The following NHSL1 variants were observed in gnomAD, a reference collection of about 807,000 sequenced individuals.
The protein encoded by NHSL1 is NHS like 1.
NHSL1 carries 48 observed loss-of-function variants against 95.0 expected under a neutral mutation model. The observed-to-expected ratio is 0.51, with a 90% CI of 0.40 to 0.64. NHSL1 has a LOEUF of 0.64. Ranked by LOEUF, NHSL1 falls within the 30% of genes least tolerant of loss-of-function variation. The pLI is 0.00. For missense variants in NHSL1, 1,971 were observed against 2,077.7 expected (o/e 0.95, Z 1.00); for synonymous variants, 783 against 833.9 (o/e 0.94, Z 1.05).
chr6:138,625,559 C>A (rs1784725316), intron 1 of NHSL1, among the ~76,000 whole-genome samples: 1 of 151,070 alleles, frequency 6.6e-6, no homozygotes, highest in Non-Finnish European at 1.5e-5. Context: ...ATTTTATTTT[C>A]TCTTTATATA....
rs192793480 is a variant in NHSL1, at chr6:138,458,044, A to T, written c.340-10851T>A. 4.8e-4 allele frequency among the ~76,000 whole-genome samples: 73 copies of T among 151,590 alleles called. 2 individuals are homozygous for T. Among genetic ancestry groups the T allele is most frequent in the Admixed American group, 2.7e-3 (41 of 15,202 alleles). On this transcript the variant is annotated intron_variant, in intron 3 of 7. Coordinates refer to ENST00000343505, the MANE Select transcript of NHSL1 (RefSeq NM_001144060.2). ...AAAAAAAATCCCAACTGTTAGGGTG[A>T]TGTTAAGAACATGAACCACGGTTAG...
At chr6:138,463,251 G>A (rs1002115420) in intron 3 of NHSL1, among the ~76,000 whole-genome samples, 2 of 152,070 alleles carry the variant, frequency 1.3e-5, no homozygotes, top group African/African-American at 4.8e-5. Flanking sequence ...GACCAATCCC[G>A]TTAAATAATC....
chr6:138,656,472 A>G (rs1312418758), intron 1 of NHSL1, among the ~76,000 whole-genome samples: 1 of 152,194 alleles, frequency 6.6e-6, no homozygotes, highest in Admixed American at 6.5e-5. Context: ...GCATGAGTAC[A>G]GTCAGCATGG....
chr6:138,688,803 A>C (rs979155588), intron 1 of NHSL1, among the ~76,000 whole-genome samples: 3 of 152,228 alleles, frequency 2.0e-5, no homozygotes, highest in African/African-American at 7.2e-5. Flanking sequence ...TTACTGTGTC[A>C]GCAAAATTAA....
chr6:138,571,706 T>G, intron 1 of NHSL1: 4 of 1,548,784 alleles, frequency 2.6e-6, no homozygotes, highest in Non-Finnish European at 3.5e-6. Flanking sequence ...AAAAATCGAG[T>G]CACCTTTTCT....
Position 138,430,572 on chromosome 6 carries a change from G to C in NHSL1, c.3773C>G (p.Pro1258Arg). Residue 1258 changes from proline to arginine, a missense_variant, in exon 6 of 8, where the codon CCT (proline) becomes CGT (arginine). Coordinates refer to ENST00000343505, the MANE Select transcript of NHSL1 (RefSeq NM_001144060.2). This position sits in a 1 kb window ranked among gnomAD's most constrained non-coding sequence, Gnocchi z 4.7. ...TCCTCCCTCAAGAACCGAGGTGCCA[G>C]GGTGCGTGGCATGAGAGCCAGCTTG... ...AAQAGSHATHPGTSVLEGGAA... is the reference protein window; with the variant it reads ...AAQAGSHATHRGTSVLEGGAA... 1 of 1,550,804 alleles carries C rather than the reference G, an allele frequency of 6.4e-7. No individual in the cohort carries two copies. The highest frequency in any genetic ancestry group is 8.7e-7 in the Non-Finnish European group (1 of 1,146,318).
At chr6:138,606,191 C>T (rs907620377) in intron 1 of NHSL1, among the ~76,000 whole-genome samples, 5 of 152,186 alleles carry the variant, frequency 3.3e-5, no homozygotes, top group Admixed American at 6.5e-5. Context: ...GCTCCTCTGG[C>T]CTGAAGAGGC....
At chr6:138,604,434 T>G (rs1331505304) in intron 1 of NHSL1, among the ~76,000 whole-genome samples, 5 of 152,150 alleles carry the variant, frequency 3.3e-5, no homozygotes, top group African/African-American at 1.2e-4. Context: ...AATCCACAGC[T>G]TAGGGTTAAG....
chr6:138,552,981 T>G (rs1474521340), intron 1 of NHSL1, among the ~76,000 whole-genome samples: 1 of 152,226 alleles, frequency 6.6e-6, no homozygotes, highest in Admixed American at 6.5e-5. Context: ...TGATATTTTT[T>G]CTTTCGAAAT....
rs1395442129 is a variant in NHSL1, at chr6:138,442,126, T to C, written c.533-12A>G. ...ATCGAAATTCTCCCCTAATGTAGAG[T>C]AGTAGAACAAGCAAAGCAATGTTAT... On this transcript the variant is annotated splice_polypyrimidine_tract_variant and intron_variant, in intron 4 of 7. Coordinates refer to ENST00000343505, the MANE Select transcript of NHSL1 (RefSeq NM_001144060.2). 4 of 1,532,670 alleles carry C rather than the reference T, an allele frequency of 2.6e-6. No homozygotes were observed. The highest frequency in any genetic ancestry group is 2.1e-5 in the Admixed American group (1 of 46,760). The allele number at this position is 1,532,670 out of a possible 1,614,324, so 94.9% of individuals were successfully genotyped here. A position where few individuals can be genotyped will look rare whatever the true frequency, so the allele number is the denominator to read the frequency against.
Position 138,683,255 on chromosome 6 carries a change from A to G in NHSL1, c.96+9221T>C, listed in dbSNP as rs1371456662. 2.6e-5 allele frequency among the ~76,000 whole-genome samples: 4 copies of G among 152,182 alleles called. No homozygotes were observed. The East Asian group carries it at 5.8e-4, about 22-fold the overall frequency. On this transcript the variant is annotated intron_variant, in intron 1 of 3. Coordinates refer to the NHSL1 transcript ENST00000491526. ...CTGTGCAGAACTCTCTGGTTTTCCA[A>G]CCAGAGGTATTTTTGTGTTTATCTC...
intron 5 of NHSL1, among the ~76,000 whole-genome samples, chr6:138,437,313 TATATATACACACACAC>T (rs1776182130): frequency 4.2e-5 from 5 of 119,786 alleles, no homozygotes; most frequent in African/African-American, 1.9e-4. Context: ...TATATATATA[TATATATACACACACAC>T]ATATATATAT....
At chr6:138,604,930 A>G (rs1225058267) in intron 1 of NHSL1, among the ~76,000 whole-genome samples, 2 of 152,212 alleles carry the variant, frequency 1.3e-5, no homozygotes, top group East Asian at 3.8e-4. Flanking sequence ...AGCCTGCACT[A>G]CAATTTAGTC....
intron 2 of NHSL1, among the ~76,000 whole-genome samples, chr6:138,475,326 G>A (rs13217110): frequency 1.3e-5 from 2 of 151,892 alleles, no homozygotes; most frequent in South Asian, 4.2e-4. Flanking sequence ...AGGCTCAAGT[G>A]ATCCTGCCAC....
intron 1 of NHSL1, among the ~76,000 whole-genome samples, chr6:138,612,659 G>C (rs979462247): frequency 3.9e-5 from 6 of 152,168 alleles, no homozygotes. Context: ...CTCTGAGAAA[G>C]CTTCTGTATA....
intron 2 of NHSL1, among the ~76,000 whole-genome samples, chr6:138,482,310 G>A (rs1303590416): frequency 7.2e-5 from 11 of 152,126 alleles, no homozygotes; most frequent in Non-Finnish European, 1.5e-4. Context: ...GCTGGGCGTG[G>A]TGGCGGGTGC....
At chr6:138,661,968 A>G (rs549222310) in intron 1 of NHSL1, among the ~76,000 whole-genome samples, 10 of 152,110 alleles carry the variant, frequency 6.6e-5, no homozygotes, top group African/African-American at 2.4e-4. Context: ...CAGCTACTTG[A>G]GAGGCTGAGG....
intron 1 of NHSL1, among the ~76,000 whole-genome samples, chr6:138,611,987 G>C (rs1024821040): frequency 6.6e-6 from 1 of 150,662 alleles, no homozygotes; most frequent in Non-Finnish European, 1.5e-5. Flanking sequence ...ATGGCCACCT[G>C]TAATCCCAGC....
chr6:138,528,586 G>A (rs893683209), intron 1 of NHSL1, among the ~76,000 whole-genome samples: 1 of 152,164 alleles, frequency 6.6e-6, no homozygotes, highest in Non-Finnish European at 1.5e-5. Flanking sequence ...TTCTACAAAG[G>A]TGAGGGATTA....
Sources: gnomAD v4.1 joint callset for allele counts (sites outside exome capture counted in the v4.1 genomes callset) on GRCh38, gnomAD v4.1.1 for gene constraint, Gnocchi (gnomAD v3.1) non-coding constraint, MANE v1.5 for transcripts, NCBI Gene and HGNC (gene_info 2026-07-23, HGNC 2026-07-21) for gene names.